MYB: variants seen among roughly 807,000 people sequenced by gnomAD.
The protein encoded by MYB is MYB proto-oncogene, transcription factor, also known as transcriptional activator Myb.
MYB carries 28 observed loss-of-function variants against 92.9 expected under a neutral mutation model. That is an observed-to-expected ratio of 0.30 (90% CI 0.22 to 0.41). The LOEUF is 0.41. Ranked by LOEUF, MYB falls within the 10% of genes least tolerant of loss-of-function variation. MYB has a pLI of 1.00. For missense variants in MYB, 679 were observed against 929.3 expected, an observed-to-expected ratio of 0.73 and a Z score of 3.50; for synonymous variants, 295 against 329.1, an observed-to-expected ratio of 0.90 and a Z score of 1.12.
intron 2 of MYB, among the ~76,000 whole-genome samples, chr6:135,187,026 C>T (rs1048117219): frequency 3.9e-5 from 6 of 152,246 alleles, no homozygotes; most frequent in South Asian, 2.1e-4. Context: ...CCTTATGATA[C>T]GGAAATTCTG....
At chr6:135,186,076 A>C in intron 2 of MYB, 56 bp downstream of exon 2, 2 of 1,503,534 alleles carry the variant, frequency 1.3e-6, no homozygotes, top group Non-Finnish European at 1.8e-6. Flanking sequence ...AATTTATAAA[A>C]AACAAAATTT....
chr6:135,197,270 A>C lies in MYB; in HGVS notation c.1513A>C (p.Ser505Arg), dbSNP rs1777459397. 1 of 1,613,888 alleles carries C rather than the reference A, an allele frequency of 6.2e-7. No homozygotes were observed. Among genetic ancestry groups the C allele is most frequent in the African/African-American group, 1.3e-5 (1 of 75,050 alleles). Residue 505 changes from serine (S) to arginine (R), a missense_variant, in exon 10 of 16, where the codon AGT (serine) becomes CGT (arginine). Ser to Arg is a moderately radical substitution (Grantham distance 110). Transcript: ENST00000341911. ...CSSFIFADVSSSTPKRSPVKS... is the reference protein window; with the variant it reads ...CSSFIFADVSRSTPKRSPVKS... ...CTCCTTCATATTTGCTGACGTCAGC[A>C]GTTCAACTCCCAAGCGTTCCCCTGT...
chr6:135,196,058 A>G lies in MYB; in HGVS notation c.1203+56A>G, dbSNP rs56259263. ...TTCTGGAAGATAAATTAGAAAACCC[A>G]TTTCTTAAATCATTGCCATTTTCTA... On this transcript the variant is annotated intron_variant, in intron 9 of 15. Coordinates refer to ENST00000341911, the MANE Select transcript of MYB (RefSeq NM_001130173.2). 4.8e-3 allele frequency: 7,532 copies of G among 1,554,370 alleles called. 318 individuals carry two copies. The Admixed American group carries it at 0.082, about 17-fold the overall frequency.
chr6:135,193,561 T>G lies in MYB; in HGVS notation c.763-277T>G, dbSNP rs1776903548. Among the ~76,000 whole-genome samples the G allele has an allele frequency of 2.0e-5, 3 of 152,176 alleles. No individual in the cohort carries two copies. In the South Asian group the frequency reaches 6.2e-4, roughly 31 times the overall value. On this transcript the variant is annotated intron_variant, in intron 6 of 15. Transcript: ENST00000341911. ...TTTATAATATATTTTTTATTGTTTTTTTCATTGTGTTTTTCTCTAATTAAG... is the reference window on the plus strand; with the variant it reads ...TTTATAATATATTTTTTATTGTTTTGTTCATTGTGTTTTTCTCTAATTAAG...
chr6:135,206,205 C>CAAAAAAAAAAAA (rs67836018), intron 15 of MYB, among the ~76,000 whole-genome samples: 5 of 87,364 alleles, frequency 5.7e-5, no homozygotes, highest in East Asian at 3.6e-4. Context: ...GACTCCATCT[C>CAAAAAAAAAAAA]AAAAAAAAAA....
intron 15 of MYB, among the ~76,000 whole-genome samples, chr6:135,217,315 G>T (rs1308097514): frequency 6.6e-6 from 1 of 151,870 alleles, no homozygotes; most frequent in Non-Finnish European, 1.5e-5. Context: ...GCTACAGTGA[G>T]CTGTGATTGC....
chr6:135,192,619 AATC>A, intron 6 of MYB, 61 bp downstream of exon 6: 1 of 1,493,514 alleles, frequency 6.7e-7, no homozygotes, highest in Non-Finnish European at 9.3e-7. Context: ...TCCAGGTAAT[AATC>A]ATACTTTGCA....
At position 135,204,607 on chromosome 6, in the gene MYB, C is replaced by G. The variant is rs7745132; in HGVS notation, c.2169+1283C>G. On this transcript the variant is annotated intron_variant, in intron 15 of 15. Coordinates refer to ENST00000341911, the MANE Select transcript of MYB (RefSeq NM_001130173.2). ...TGTGAGCTACCGCACCTAGCCAGTG[C>G]GTAGTATTATTGTAAAATAAGGATT... is the stretch of plus-strand genomic sequence containing the variant. Among the ~76,000 whole-genome samples the G allele has an allele frequency of 3.4e-3, 524 of 152,206 alleles. 3 individuals carry two copies. The highest frequency in any genetic ancestry group is 0.012 in the African/African-American group (505 of 41,534).
chr6:135,212,224 C>CTTTTTTTTTTTTTTTTTT (rs545704827), intron 15 of MYB, among the ~76,000 whole-genome samples: 6 of 32,886 alleles, frequency 1.8e-4, no homozygotes, highest in African/African-American at 4.6e-4. Context: ...TTTGGTTTTA[C>CTTTTTTTTTTTTTTTTTT]TTTTTTTTTT....
chr6:135,192,595 A>C, intron 6 of MYB, 37 bp downstream of exon 6: 1 of 1,582,724 alleles, frequency 6.3e-7, no homozygotes, highest in Non-Finnish European at 8.7e-7. Context: ...AATGAGAGAG[A>C]CGGTTAGTTT....
chr6:135,194,531 T>G, intron 8 of MYB, 71 bp downstream of exon 8: 1 of 1,043,422 alleles, frequency 9.6e-7, no homozygotes, highest in South Asian at 1.4e-5. Flanking sequence ...CGCTCTTCTC[T>G]TCTAAATATT....
chr6:135,208,190 T>G (rs1779234440), intron 15 of MYB, among the ~76,000 whole-genome samples: 5 of 148,514 alleles, frequency 3.4e-5, no homozygotes, highest in Admixed American at 2.7e-4. Flanking sequence ...GTGATTCTTC[T>G]GCCTTAGCCT....
chr6:135,219,074 A>G lies in MYB; in HGVS notation c.*1094A>G, dbSNP rs1284703284. 2 of 225,314 alleles carry G rather than the reference A, an allele frequency of 8.9e-6. No homozygotes were observed. The highest frequency in any genetic ancestry group is 6.4e-5 in the East Asian group (1 of 15,714). 14.0% of individuals were successfully genotyped at this position (225,314 alleles called of 1,614,324 possible). ...GTGGTTGATAGCCAGTCACTGCCTT[A>G]AGAACATTTGATGCAAGATGGCCAG... On this transcript the variant is annotated 3_prime_UTR_variant, in exon 16 of 16. Transcript: ENST00000341911.
chr6:135,204,925 C>T (rs1467551288), intron 15 of MYB, among the ~76,000 whole-genome samples: 2 of 151,956 alleles, frequency 1.3e-5, no homozygotes, highest in Admixed American at 6.6e-5. Flanking sequence ...CTGGCCAACA[C>T]GGTGAAACCC....
intron 15 of MYB, among the ~76,000 whole-genome samples, chr6:135,216,661 C>G (rs1427204952): frequency 6.6e-6 from 1 of 152,190 alleles, no homozygotes; most frequent in Non-Finnish European, 1.5e-5. Context: ...CCCACAGATG[C>G]AGAGGGCCAA....
chr6:135,218,963 T>A lies in MYB; in HGVS notation c.*983T>A, dbSNP rs1780760585. 4.4e-6 allele frequency: 1 copy of A among 225,918 alleles called. No homozygotes were observed. Among genetic ancestry groups the A allele is most frequent in the Admixed American group, 5.7e-5 (1 of 17,552 alleles). 14.0% of individuals were successfully genotyped at this position (225,918 alleles called of 1,614,324 possible). On this transcript the variant is annotated 3_prime_UTR_variant, in exon 16 of 16. Transcript: ENST00000341911. Reference sequence around the variant, plus strand: ...GTTTTATAATTTGGGAGTTCTGCATTTGATCCGCATCCCCTGTGGTTTCTA... The same window carrying A: ...GTTTTATAATTTGGGAGTTCTGCATATGATCCGCATCCCCTGTGGTTTCTA...
chr6:135,198,771 A>G (rs1777674856), intron 10 of MYB, 137 bp from the exon 11 acceptor site: 1 of 672,938 alleles, frequency 1.5e-6, no homozygotes, highest in Non-Finnish European at 2.4e-6. Flanking sequence ...AGTCAATATA[A>G]CATGCTTGTT....
chr6:135,195,319 A>G lies in MYB; in HGVS notation c.949-429A>G, dbSNP rs1777152175. ...TTAGAAAGGGATAGAAGCAACAAGA[A>G]TATGTGTAGATCAAAGCAACTCTAA... is the stretch of plus-strand genomic sequence containing the variant. On this transcript the variant is annotated intron_variant, in intron 8 of 15. Coordinates refer to ENST00000341911, the MANE Select transcript of MYB (RefSeq NM_001130173.2). 2.1e-5 allele frequency: 6 copies of G among 291,540 alleles called. No homozygotes were observed. The Admixed American group carries it at 2.9e-4, about 14-fold the overall frequency. 18.1% of individuals were successfully genotyped at this position (291,540 alleles called of 1,614,324 possible). A position where few individuals can be genotyped will look rare whatever the true frequency, so the allele number is the denominator to read the frequency against.
intron 15 of MYB, among the ~76,000 whole-genome samples, chr6:135,210,964 T>G (rs79764126): frequency 0.016 from 2,413 of 152,112 alleles, 30 homozygotes; most frequent in Non-Finnish European, 0.023. Flanking sequence ...TCCTCTGGCA[T>G]GCTATTCCCT....
Sources: gnomAD v4.1 joint callset for allele counts (sites outside exome capture counted in the v4.1 genomes callset) on GRCh38, gnomAD v4.1.1 for gene constraint, MANE v1.5 for transcripts, NCBI Gene and HGNC (gene_info 2026-07-23, HGNC 2026-07-21) for gene names.